PKNOX2: variants seen among roughly 807,000 people sequenced by gnomAD.
PKNOX2 encodes homeobox protein PKNOX2.
PKNOX2 carries 14 observed loss-of-function variants against 53.1 expected under a neutral mutation model. That is an observed-to-expected ratio of 0.26 (90% CI 0.17 to 0.41). The LOEUF (loss-of-function observed/expected upper bound fraction) is 0.41. PKNOX2 is among the 10% of genes least tolerant of loss of function. The pLI, the probability that PKNOX2 is intolerant of heterozygous loss-of-function variation, is 1.00. For synonymous variants in PKNOX2, 257 were observed against 242.8 expected (o/e 1.06, Z -0.54); for missense variants, 496 against 602.8 (o/e 0.82, Z 1.85).
At chr11:125,332,301 G>T (rs921850637) in intron 3 of PKNOX2, among the ~76,000 whole-genome samples, 1 of 151,914 alleles carries the variant, frequency 6.6e-6, no homozygotes, top group Non-Finnish European at 1.5e-5. Flanking sequence ...TGGGGTGGGG[G>T]GTTCCTTAAA....
At chr11:125,372,287 C>G (rs1025867650) in intron 5 of PKNOX2, among the ~76,000 whole-genome samples, 7 of 152,204 alleles carry the variant, frequency 4.6e-5, no homozygotes, top group Non-Finnish European at 8.8e-5. Flanking sequence ...CTGAGGGCAC[C>G]GAGCAGTAGG....
intron 2 of PKNOX2, among the ~76,000 whole-genome samples, chr11:125,315,328 A>AAAAAAAAAAAC (rs1201379428): frequency 2.1e-5 from 3 of 144,816 alleles, no homozygotes; most frequent in African/African-American, 8.2e-5. Context: ...AAAAAAAAAA[A>AAAAAAAAAAAC]CACCTCTCTC....
intron 1 of PKNOX2, among the ~76,000 whole-genome samples, chr11:125,195,887 AC>A (rs1937623947): frequency 2.0e-5 from 1 of 48,806 alleles, no homozygotes; most frequent in Non-Finnish European, 4.8e-5. Context: ...GTACATGCAC[AC>A]ACACACACAC....
At chr11:125,259,655 T>C (rs943608712) in intron 2 of PKNOX2, among the ~76,000 whole-genome samples, 8 of 152,202 alleles carry the variant, frequency 5.3e-5, no homozygotes, top group African/African-American at 1.7e-4. Flanking sequence ...TTGGCATGTC[T>C]TCCTTTGGGA....
At chr11:125,275,138 A>G (rs763385981) in intron 2 of PKNOX2, among the ~76,000 whole-genome samples, 15 of 152,224 alleles carry the variant, frequency 9.9e-5, no homozygotes, top group Non-Finnish European at 2.1e-4. Flanking sequence ...AGAAAATGTT[A>G]GGTCCTGACG....
At chr11:125,187,598 G>A (rs1194744298) in intron 1 of PKNOX2, among the ~76,000 whole-genome samples, 2 of 152,060 alleles carry the variant, frequency 1.3e-5, no homozygotes, top group South Asian at 2.1e-4. Flanking sequence ...TCTATATACA[G>A]GGTCATGTCA....
intron 2 of PKNOX2, among the ~76,000 whole-genome samples, chr11:125,304,871 G>A (rs1444746855): frequency 6.6e-6 from 1 of 152,218 alleles, no homozygotes; most frequent in East Asian, 1.9e-4. Context: ...CCCTGCCCAT[G>A]TGTAGCGTCA....
At chr11:125,270,349 G>T (rs977778652) in intron 2 of PKNOX2, among the ~76,000 whole-genome samples, 2 of 152,158 alleles carry the variant, frequency 1.3e-5, no homozygotes, top group African/African-American at 4.8e-5. Flanking sequence ...GAGACTGCAG[G>T]TCCTGCCATG....
chr11:125,359,141 G>C (rs911856877), intron 4 of PKNOX2, among the ~76,000 whole-genome samples: 1 of 150,592 alleles, frequency 6.6e-6, no homozygotes, highest in Non-Finnish European at 1.5e-5. Flanking sequence ...GGAAAGGCAG[G>C]AAGGTGGACA....
chr11:125,234,265 C>T (rs1942482064), intron 1 of PKNOX2, among the ~76,000 whole-genome samples: 1 of 152,172 alleles, frequency 6.6e-6, no homozygotes, highest in Non-Finnish European at 1.5e-5. Context: ...ACAGTCTGGC[C>T]TTATTGGGGG....
At position 125,431,690 on chromosome 11, in the gene PKNOX2, A is replaced by T. The variant is rs1398732066; in HGVS notation, c.*298A>T. 2.3e-6 allele frequency: 1 copy of T among 438,128 alleles called. No individual in the cohort carries two copies. Among genetic ancestry groups the T allele is most frequent in the African/African-American group, 2.0e-5 (1 of 50,868 alleles). The allele number at this position is 438,128 out of a possible 1,614,324, so 27.1% of individuals were successfully genotyped here. A position where few individuals can be genotyped will look rare whatever the true frequency, so the allele number is the denominator to read the frequency against. ...ATCTGGACTCACCAAATCCCTGAGG[A>T]TAGATGGCACCCATGGCCCCCACCC... On this transcript the variant is annotated 3_prime_UTR_variant, in exon 13 of 13. Coordinates refer to ENST00000298282, the MANE Select transcript of PKNOX2 (RefSeq NM_001382323.2).
chr11:125,327,525 A>G (rs1344794543), intron 2 of PKNOX2, among the ~76,000 whole-genome samples: 2 of 152,126 alleles, frequency 1.3e-5, no homozygotes. Flanking sequence ...TAGCTTTCAG[A>G]GAGGAAGAGC....
At chr11:125,257,728 T>C (rs1366963836) in intron 2 of PKNOX2, among the ~76,000 whole-genome samples, 1 of 152,124 alleles carries the variant, frequency 6.6e-6, no homozygotes, top group Non-Finnish European at 1.5e-5. Context: ...AAATTTAGGT[T>C]GCCCTTTTCA....
chr11:125,234,072 C>T (rs184642358), intron 1 of PKNOX2, among the ~76,000 whole-genome samples: 3 of 152,030 alleles, frequency 2.0e-5, no homozygotes, highest in Admixed American at 6.5e-5. Context: ...GGATAGCCCC[C>T]GTCTTTGGAA....
chr11:125,167,757 G>A (rs1020493536), intron 1 of PKNOX2, among the ~76,000 whole-genome samples: 20 of 152,312 alleles, frequency 1.3e-4, no homozygotes, highest in African/African-American at 4.8e-4. Flanking sequence ...CTTTTATTGT[G>A]TGGCAGTGGC....
intron 2 of PKNOX2, among the ~76,000 whole-genome samples, chr11:125,305,379 G>C (rs931356796): frequency 6.6e-6 from 1 of 152,184 alleles, no homozygotes; most frequent in Admixed American, 6.5e-5. Context: ...AGGGCTCTCA[G>C]CAAGACCACA....
Position 125,431,464 on chromosome 11 carries a change from G to GGGGGGGGA in PKNOX2, c.*72_*73insGGGGGGGA. The stretch of plus-strand genomic sequence containing the variant: ...GCCGGGAGGCCTTCAGGGTGGGGGG[G>GGGGGGGGA]AAGGGGACATGGGCAGGAAGCACCG... On this transcript the variant is annotated 3_prime_UTR_variant, in exon 13 of 13. Coordinates refer to ENST00000298282, the MANE Select transcript of PKNOX2 (RefSeq NM_001382323.2). 1 of 302,800 alleles carries GGGGGGGGA rather than the reference G, an allele frequency of 3.3e-6. No individual in the cohort carries two copies. Among genetic ancestry groups the GGGGGGGGA allele is most frequent in the Non-Finnish European group, 6.7e-6 (1 of 149,866 alleles). The allele number at this position is 302,800 out of a possible 1,614,324, so 18.8% of individuals were successfully genotyped here. A position where few individuals can be genotyped will look rare whatever the true frequency, so the allele number is the denominator to read the frequency against.
chr11:125,276,507 G>A (rs1316241795), intron 2 of PKNOX2, among the ~76,000 whole-genome samples: 1 of 152,196 alleles, frequency 6.6e-6, no homozygotes, highest in Non-Finnish European at 1.5e-5. Flanking sequence ...TGGGAGCCAG[G>A]ACTCTTTTTC....
intron 6 of PKNOX2, among the ~76,000 whole-genome samples, chr11:125,395,953 C>CTTTTTTTTT: frequency 7.6e-6 from 1 of 131,904 alleles, no homozygotes; most frequent in Non-Finnish European, 1.6e-5. Flanking sequence ...ACTGGATCAT[C>CTTTTTTTTT]TTTTTTTTTT....
Sources: allele counts gnomAD v4.1 joint callset (sites outside exome capture counted in the v4.1 genomes callset), GRCh38; gene constraint gnomAD v4.1.1; transcripts MANE v1.5; gene names NCBI Gene and HGNC (gene_info 2026-07-23, HGNC 2026-07-21).